TCEANC: variants seen among roughly 807,000 people sequenced by gnomAD.
TCEANC encodes the protein transcription elongation factor A N-terminal and central domain containing.
In TCEANC, 8 loss-of-function variants were observed where a neutral mutation model predicts 8.7. The ratio of observed to expected loss-of-function variants is 0.92; its 90% CI spans 0.54 to 1.65. The LOEUF (loss-of-function observed/expected upper bound fraction) is 1.65. TCEANC is among the 40% of genes most tolerant of loss of function. The probability of loss-of-function intolerance (pLI) is 0.00; values close to 1 mark genes in which losing one functional copy is unlikely to be tolerated. For synonymous variants in TCEANC, 78 were observed against 92.9 expected, an observed-to-expected ratio of 0.84 and a Z score of 0.92; for missense variants, 255 against 251.9, an observed-to-expected ratio of 1.01 and a Z score of -0.08.
chrX:13,664,815 C>T (rs2046003121), exon 2 of TCEANC: 3 of 123,549 alleles, frequency 2.4e-5, no homozygotes, highest in South Asian at 3.7e-4. Context: ...GACTACAACA[C>T]GCCTTCTATG....
At chrX:13,665,167 C>A (rs1230968978) in exon 2 of TCEANC, 2 of 123,798 alleles carry the variant, frequency 1.6e-5, no homozygotes, top group Non-Finnish European at 3.7e-5. Flanking sequence ...CATGTTTAGT[C>A]CTTAACTTGC....
chrX:13,664,513 G>A (rs1210531709), exon 2 of TCEANC: 1 of 123,190 alleles, frequency 8.1e-6, no homozygotes, highest in Non-Finnish European at 1.9e-5. Flanking sequence ...AGTTGAAGGA[G>A]TTTCGTAGTT....
At chrX:13,658,468 G>A (rs1318369362) in intron 1 of TCEANC, among the ~76,000 whole-genome samples, 1 of 112,029 alleles carries the variant, frequency 8.9e-6, no homozygotes, top group Non-Finnish European at 1.9e-5. Flanking sequence ...ATTTTCATTT[G>A]TTCTTTTACT....
At chrX:13,663,519 C>A (rs5935649) in exon 2 of TCEANC, 2 of 1,169,140 alleles carry the variant, frequency 1.7e-6, no homozygotes, top group African/African-American at 3.5e-5. Flanking sequence ...TAATTTGTAA[C>A]GAATGTGGGG....
chrX:13,658,601 G>C (rs2045942374), intron 1 of TCEANC, among the ~76,000 whole-genome samples: 2 of 111,771 alleles, frequency 1.8e-5, no homozygotes, highest in South Asian at 7.4e-4. Context: ...GGTGAGAAAT[G>C]AATCAATCAC....
intron 1 of TCEANC, among the ~76,000 whole-genome samples, chrX:13,657,825 A>AC (rs1569216492): frequency 3.1e-4 from 31 of 101,381 alleles, no homozygotes; most frequent in African/African-American, 9.0e-4. Flanking sequence ...AAAAAAAAAA[A>AC]AACACACACA....
At chrX:13,657,738 G>GTGTAGATT (rs1374834040) in intron 1 of TCEANC, among the ~76,000 whole-genome samples, 2 of 107,411 alleles carry the variant, frequency 1.9e-5, no homozygotes, top group Non-Finnish European at 3.8e-5. Context: ...AACCCAGGAG[G>GTGTAGATT]TGTAGATTGC....
chrX:13,653,147 A>G (rs1465817760), upstream of TCEANC: 2 of 112,847 alleles, frequency 1.8e-5, no homozygotes, highest in Non-Finnish European at 3.8e-5. Context: ...CTCCGTGGGC[A>G]CTGGGCGGCT....
exon 2 of TCEANC, chrX:13,665,125 G>T (rs1434062351): frequency 2.4e-5 from 3 of 123,980 alleles, no homozygotes; most frequent in African/African-American, 9.7e-5. Context: ...CTTGCTCTCC[G>T]TGTCTTCCCA....
chrX:13,662,741 T>C lies in TCEANC; in HGVS notation c.233T>C (p.Val78Ala). ...TGTTTGCTATCAAAGTGGAAAGCTG[T>C]TTATAAGCAGACTCACTCCAAAGCG... Residue 78 changes from valine (V) to alanine (A), a missense_variant, in exon 2 of 2, where the codon GTT (valine) becomes GCT (alanine). Val to Ala is a moderately conservative substitution (Grantham distance 64). Transcript: ENST00000380600. The C allele has an allele frequency of 1.7e-6, 2 of 1,211,581 alleles. No homozygotes were observed. The highest frequency in any genetic ancestry group is 2.2e-6 in the Non-Finnish European group (2 of 895,324).
upstream of TCEANC, among the ~76,000 whole-genome samples, chrX:13,654,649 A>G (rs1053245078): frequency 6.3e-5 from 7 of 111,892 alleles, no homozygotes; most frequent in African/African-American, 2.3e-4. Context: ...ATTCTCATTA[A>G]TCCTAGGATG....
chrX:13,653,276 A>T (rs1198425639), upstream of TCEANC: 3 of 112,787 alleles, frequency 2.7e-5, no homozygotes, highest in Non-Finnish European at 5.6e-5. Flanking sequence ...GGCTCGCGGC[A>T]GCTTTCCGGT....
intron 1 of TCEANC, 28 bp from the exon 5 acceptor site, chrX:13,662,473 A>G: frequency 8.6e-7 from 1 of 1,161,231 alleles, no homozygotes; most frequent in Non-Finnish European, 1.1e-6. Flanking sequence ...CAAACTTAAG[A>G]AAACTGAAAC....
In TCEANC at chrX:13,659,703, G is replaced by A. The variant is rs575720530; in HGVS notation, c.-8-2798G>A. On this transcript the variant is annotated intron_variant, in intron 1 of 1. Transcript: ENST00000380600. ...TGCAGTGGCATGATCTCGGCTCACC[G>A]CAAACTCTGCCTCCCGGGTTCAAGC... 7 of 105,641 alleles carry A rather than the reference G, an allele frequency of 6.6e-5. No individual in the cohort carries two copies. In the South Asian group the frequency reaches 2.0e-3, roughly 30 times the overall value. 8.7% of individuals were successfully genotyped at this position (105,641 alleles called of 1,213,427 possible). A position where few individuals can be genotyped will look rare whatever the true frequency, so the allele number is the denominator to read the frequency against.
Position 13,663,260 on chromosome X carries a change from G to A in TCEANC, c.752G>A (p.Arg251Gln), listed in dbSNP as rs1317474672. The change falls in exon 2 of 2, where the codon CGA becomes CAA. Residue 251 changes from arginine to glutamine, a missense_variant. Arg to Gln is a conservative substitution (Grantham distance 43). Transcript: ENST00000380600. ...TTGCTCTCTGGGACCACGTCTCCAC[G>A]AGAATTTGCTGAAATGACTGTCATG... The A allele has an allele frequency of 8.3e-6, 10 of 1,203,187 alleles. No individual in the cohort carries two copies. In the African/African-American group the frequency reaches 1.4e-4, roughly 17 times the overall value.
Position 13,662,765 on chromosome X carries a change from C to T in TCEANC, c.257C>T (p.Ala86Val), listed in dbSNP as rs1569218021. The T allele has an allele frequency of 1.7e-5, 20 of 1,210,998 alleles. No individual in the cohort carries two copies. The highest frequency in any genetic ancestry group is 2.2e-5 in the Non-Finnish European group (20 of 895,053). ...GTTTATAAGCAGACTCACTCCAAAG[C>T]GAGGAACAGCCCTAAATTATTTCCT... The change falls in exon 2 of 2, where the codon GCG becomes GTG. Residue 86 changes from alanine to valine, a missense_variant. Coordinates refer to ENST00000380600, the Ensembl canonical transcript of TCEANC.
exon 2 of TCEANC, chrX:13,663,810 C>T: frequency 3.3e-6 from 1 of 300,157 alleles, no homozygotes; most frequent in Non-Finnish European, 6.0e-6. Flanking sequence ...TGGGTGAGAA[C>T]AGCCCAGCAT....
intron 1 of TCEANC, among the ~76,000 whole-genome samples, 39 bp from the exon 4 acceptor site, chrX:13,660,992 C>A (rs1022582482): frequency 4.5e-5 from 5 of 111,039 alleles, no homozygotes; most frequent in African/African-American, 1.6e-4. Context: ...CTACAGGTGC[C>A]CGCCACCACA....
intron 1 of TCEANC, among the ~76,000 whole-genome samples, chrX:13,658,508 A>G (rs2045941391): frequency 1.8e-5 from 2 of 111,888 alleles, no homozygotes; most frequent in African/African-American, 3.3e-5. Context: ...ATGAGCATGC[A>G]TTGTTTTCAT....
Sources: allele counts gnomAD v4.1 joint callset (sites outside exome capture counted in the v4.1 genomes callset), GRCh38; gene constraint gnomAD v4.1.1; transcripts MANE v1.5; gene names NCBI Gene and HGNC (gene_info 2026-07-23, HGNC 2026-07-21).